DYSF: variants seen among roughly 807,000 people sequenced by gnomAD.
The protein encoded by DYSF is dysferlin.
DYSF carries 212 observed loss-of-function variants against 274.9 expected under a neutral mutation model. The observed-to-expected ratio is 0.77, with a 90% confidence interval of 0.69 to 0.86. The LOEUF (loss-of-function observed/expected upper bound fraction) is 0.86. DYSF is among the 40% of genes least tolerant of loss of function. DYSF has a pLI of 0.00. For synonymous variants in DYSF, 1,091 were observed against 1,078.7 expected (o/e 1.01, Z -0.22); for missense variants, 2,666 against 2,783.2 (o/e 0.96, Z 0.95).
intron 38 of DYSF, 37 bp downstream of exon 38, chr2:71,611,663 C>T: frequency 6.2e-7 from 1 of 1,606,430 alleles, no homozygotes; most frequent in Non-Finnish European, 8.5e-7. Flanking sequence ...TTCCAGAGTC[C>T]TGGGGCTAGA....
Position 71,585,174 on chromosome 2 carries a change from G to A in DYSF, c.3403-4419G>A, listed in dbSNP as rs146219180. Among the ~76,000 whole-genome samples the A allele has an allele frequency of 2.1e-3, 322 of 152,348 alleles. 1 individual carries two copies. The highest frequency in any genetic ancestry group is 7.3e-3 in the African/African-American group (304 of 41,576). On this transcript the variant is annotated intron_variant, in intron 30 of 55. Coordinates refer to ENST00000410020, the MANE Select transcript of DYSF (RefSeq NM_001130987.2). ...TATCTAACAGGTAGAGGCCAGGGAC[G>A]CTGCTAAACATCCTACGACGCACAG...
Position 71,644,057 on chromosome 2 carries a change from C to A in DYSF, c.4620C>A (p.Thr1540=). Reference sequence around the variant, plus strand: ...CCTACCTGGAGAAGGATTTTGACACCCTGAAGGTAAGGCCTCTCTTCAGTC... The same window carrying A: ...CCTACCTGGAGAAGGATTTTGACACACTGAAGGTAAGGCCTCTCTTCAGTC... The part of the protein sequence containing the change: ...CGSYLEKDFD[T]LKVYDTQLEN... The change falls in exon 42 of 56, where the codon ACC becomes ACA. Residue 1540 remains threonine (T), a synonymous_variant. Coordinates refer to ENST00000410020, the MANE Select transcript of DYSF (RefSeq NM_001130987.2). 1 of 1,609,498 alleles carries A rather than the reference C, an allele frequency of 6.2e-7. No individual in the cohort carries two copies. The highest frequency in any genetic ancestry group is 2.2e-5 in the East Asian group (1 of 44,848).
intron 3 of DYSF, among the ~76,000 whole-genome samples, chr2:71,494,720 C>A (rs1395443842): frequency 6.6e-6 from 1 of 152,236 alleles, no homozygotes; most frequent in East Asian, 1.9e-4. Flanking sequence ...CAGGGCCATT[C>A]TCTCAGAGTT....
chr2:71,649,803 A>G (rs1231036955), intron 42 of DYSF, among the ~76,000 whole-genome samples: 1 of 152,248 alleles, frequency 6.6e-6, no homozygotes, highest in Non-Finnish European at 1.5e-5. Flanking sequence ...TACATCAGTC[A>G]CTTACTAATT....
intron 30 of DYSF, among the ~76,000 whole-genome samples, chr2:71,589,224 A>G (rs937184597): frequency 1.3e-5 from 2 of 152,068 alleles, no homozygotes; most frequent in African/African-American, 4.8e-5. Context: ...CTAGCCTGGA[A>G]CCTCCACATT....
At position 71,568,147 on chromosome 2, in the gene DYSF, C is replaced by T. The variant is rs182833951; in HGVS notation, c.2698-25C>T. 1.1e-4 allele frequency: 176 copies of T among 1,614,250 alleles called. No homozygotes were observed. In the African/African-American group the frequency reaches 1.5e-3, roughly 14 times the overall value. ...TGGAGCTGCCTTGGCCCCCTGCTCACGCCTCATTCTTCCTGGCCCTCCAGT... is the reference window on the plus strand; with the variant it reads ...TGGAGCTGCCTTGGCCCCCTGCTCATGCCTCATTCTTCCTGGCCCTCCAGT... On this transcript the variant is annotated intron_variant, in intron 25 of 55. Transcript: ENST00000410020.
Position 71,542,211 on chromosome 2 carries a change from T to C in DYSF, c.1576+2972T>C, listed in dbSNP as rs35200898. Among the ~76,000 whole-genome samples, 392 of 152,368 alleles carry C rather than the reference T, an allele frequency of 2.6e-3. 3 individuals carry two copies. Among genetic ancestry groups the C allele is most frequent in the Non-Finnish European group, 4.3e-3 (291 of 68,026 alleles). ...TGAGGTTATAAAAGTAAGGTTCTTA[T>C]AATGTCTAGTACACAATAACCTTAA... On this transcript the variant is annotated intron_variant, in intron 17 of 55. Transcript: ENST00000410020.
intron 21 of DYSF, among the ~76,000 whole-genome samples, chr2:71,554,420 A>G (rs1011071843): frequency 6.6e-6 from 1 of 152,194 alleles, no homozygotes; most frequent in Non-Finnish European, 1.5e-5. Context: ...AAACTTAGGT[A>G]CAGGTGACAT....
intron 1 of DYSF, among the ~76,000 whole-genome samples, chr2:71,460,140 C>A (rs971919955): frequency 6.6e-6 from 1 of 152,146 alleles, no homozygotes; most frequent in African/African-American, 2.4e-5. Context: ...GTAGACAGTC[C>A]TGACTGGTAA....
rs1048629549 is a variant in DYSF, at chr2:71,686,753, T to A, written c.*261T>A. 30 of 525,564 alleles carry A rather than the reference T, an allele frequency of 5.7e-5. No individual in the cohort carries two copies. The highest frequency in any genetic ancestry group is 8.0e-5 in the Non-Finnish European group (23 of 286,988). 32.6% of individuals were successfully genotyped at this position (525,564 alleles called of 1,614,324 possible). A position where few individuals can be genotyped will look rare whatever the true frequency, so the allele number is the denominator to read the frequency against. ...TCAGACATATTTCAGTATAAAACAGTTGGAACCACACAGCAGTGTCAGTGT... is the reference window on the plus strand; with the variant it reads ...TCAGACATATTTCAGTATAAAACAGATGGAACCACACAGCAGTGTCAGTGT... On this transcript the variant is annotated 3_prime_UTR_variant, in exon 56 of 56. Transcript: ENST00000410020.
chr2:71,487,469 G>T lies in DYSF; in HGVS notation c.239+5499G>T, dbSNP rs527458873. On this transcript the variant is annotated intron_variant, in intron 3 of 55. Coordinates refer to ENST00000410020, the MANE Select transcript of DYSF (RefSeq NM_001130987.2). ...AGGATGGCAGGGGGGCAGTGTGCCC[G>T]CAGGGTAGAGAACTCACTGTGTTAG... Among the ~76,000 whole-genome samples the T allele has an allele frequency of 3.9e-5, 6 of 152,292 alleles. No homozygotes were observed. In the East Asian group the frequency reaches 9.7e-4, roughly 24 times the overall value.
intron 44 of DYSF, among the ~76,000 whole-genome samples, chr2:71,659,271 A>G (rs1189898811): frequency 6.6e-6 from 1 of 152,246 alleles, no homozygotes; most frequent in Non-Finnish European, 1.5e-5. Context: ...CCTGGAAGGA[A>G]TAGGACTCTT....
At chr2:71,459,496 G>T (rs112493246) in intron 1 of DYSF, among the ~76,000 whole-genome samples, 63 of 152,250 alleles carry the variant, frequency 4.1e-4, no homozygotes, top group South Asian at 2.3e-3. Flanking sequence ...GTGAGCTGAG[G>T]GGGGGACACC....
At chr2:71,480,367 T>TACACAC (rs35040279) in intron 1 of DYSF, among the ~76,000 whole-genome samples, 6 of 150,034 alleles carry the variant, frequency 4.0e-5, no homozygotes, top group African/African-American at 9.8e-5. Context: ...GGCCCCCGTC[T>TACACAC]ACACACACAC....
At chr2:71,477,049 TC>T (rs762323796) in intron 1 of DYSF, among the ~76,000 whole-genome samples, 4 of 152,154 alleles carry the variant, frequency 2.6e-5, no homozygotes, top group Non-Finnish European at 5.9e-5. Flanking sequence ...ACTTCCAGCT[TC>T]CCAGTACTGA....
upstream of DYSF, among the ~76,000 whole-genome samples, chr2:71,463,505 G>A (rs151304481): frequency 1.2e-4 from 18 of 152,326 alleles, no homozygotes; most frequent in African/African-American, 3.1e-4. Flanking sequence ...AGCCCCCACC[G>A]GCTCTGCAGA....
At chr2:71,628,557 G>A (rs2094252515) in intron 41 of DYSF, among the ~76,000 whole-genome samples, 1 of 151,638 alleles carries the variant, frequency 6.6e-6, no homozygotes, top group South Asian at 2.1e-4. Flanking sequence ...GGAAATAATA[G>A]TTTCACTAAC....
At chr2:71,539,077 C>G in intron 16 of DYSF, 80 bp from the exon 17 acceptor site, 1 of 1,306,386 alleles carries the variant, frequency 7.7e-7, no homozygotes, top group Non-Finnish European at 1.1e-6. Context: ...GATGTGTAAC[C>G]GAGGCCGCAT....
At chr2:71,506,980 G>C (rs1160734257) in intron 4 of DYSF, among the ~76,000 whole-genome samples, 4 of 151,994 alleles carry the variant, frequency 2.6e-5, no homozygotes, top group Non-Finnish European at 5.9e-5. Context: ...AGGTTGGTGT[G>C]GAGCTGTCGG....
Sources: allele counts gnomAD v4.1 joint callset (sites outside exome capture counted in the v4.1 genomes callset), GRCh38; gene constraint gnomAD v4.1.1; transcripts MANE v1.5; gene names NCBI Gene and HGNC (gene_info 2026-07-23, HGNC 2026-07-21).